Variants in CPA6 observed in about 807,000 individuals in gnomAD.
CPA6 encodes carboxypeptidase B.
CPA6 carries 58 observed loss-of-function variants against 63.3 expected under a neutral mutation model. The ratio of observed to expected loss-of-function variants is 0.92; its 90% CI spans 0.74 to 1.14. The LOEUF (loss-of-function observed/expected upper bound fraction) is 1.14. CPA6 is among the 50% of genes most tolerant of loss of function. CPA6 has a pLI of 0.00. For missense variants in CPA6, 565 were observed against 526.6 expected (o/e 1.07, Z -0.71); for synonymous variants, 185 against 179.0 (o/e 1.03, Z -0.27).
rs559403754 is a variant in CPA6, at chr8:67,639,205, A to G, written c.117-14954T>C. The stretch of plus-strand genomic sequence containing the variant: ...TAGGTTTGCTGGCCATACAGTCTCT[A>G]TTGCTACTGTTATGGGATTCTTGGG... On this transcript the variant is annotated intron_variant, in intron 1 of 10. Coordinates refer to ENST00000297770, the MANE Select transcript of CPA6 (RefSeq NM_020361.5). Among the ~76,000 whole-genome samples, 17 of 151,620 alleles carry G rather than the reference A, an allele frequency of 1.1e-4. 1 individual carries two copies. Among genetic ancestry groups the G allele is most frequent in the African/African-American group, 3.7e-4 (15 of 40,920 alleles).
chr8:67,543,354 C>T (rs73692114), intron 2 of CPA6, among the ~76,000 whole-genome samples: 133 of 152,334 alleles, frequency 8.7e-4, no homozygotes, highest in African/African-American at 3.1e-3. Context: ...CTTTGCAGCA[C>T]GATATCAAGG....
At chr8:67,577,098 T>G (rs1237163855) in intron 2 of CPA6, among the ~76,000 whole-genome samples, 1 of 152,066 alleles carries the variant, frequency 6.6e-6, no homozygotes, top group Non-Finnish European at 1.5e-5. Context: ...CAAGTGATCC[T>G]CCTGCCTCGG....
rs754434838 is a variant in CPA6 at position 67,630,757 on chromosome 8, C to G, written c.117-6506G>C. ...CACGGGCAGGAACCAGGGCTGCGCACGGTGCTAGTGGGCCAGTGTGAGTTC... is the reference window on the plus strand; with the variant it reads ...CACGGGCAGGAACCAGGGCTGCGCAGGGTGCTAGTGGGCCAGTGTGAGTTC... On this transcript the variant is annotated intron_variant, in intron 1 of 10. Transcript: ENST00000297770. Among the ~76,000 whole-genome samples, 7 of 152,324 alleles carry G rather than the reference C, an allele frequency of 4.6e-5. No homozygotes were observed. In the Middle Eastern group the frequency reaches 0.01, roughly 222 times the overall value.
At chr8:67,496,916 C>T (rs1811732593) in intron 6 of CPA6, among the ~76,000 whole-genome samples, 1 of 152,110 alleles carries the variant, frequency 6.6e-6, no homozygotes, top group African/African-American at 2.4e-5. Flanking sequence ...ACCCCCTAAT[C>T]CTATCCTCTT....
At chr8:67,518,514 T>C (rs1172844358) in intron 2 of CPA6, among the ~76,000 whole-genome samples, 5 of 149,566 alleles carry the variant, frequency 3.3e-5, no homozygotes, top group Admixed American at 6.6e-5. Flanking sequence ...CTTTTCTTTT[T>C]TTTTTTTTTT....
chr8:67,458,360 G>T (rs571680859), intron 8 of CPA6, among the ~76,000 whole-genome samples: 1 of 152,008 alleles, frequency 6.6e-6, no homozygotes. Context: ...ACCACCCCCG[G>T]CTATTTTTTG....
chr8:67,432,321 G>A (rs561005800), intron 9 of CPA6, among the ~76,000 whole-genome samples: 1 of 152,312 alleles, frequency 6.6e-6, no homozygotes, highest in East Asian at 1.9e-4. Flanking sequence ...AAACAGCAGG[G>A]TTTGGAGAGC....
intron 2 of CPA6, among the ~76,000 whole-genome samples, chr8:67,543,592 G>A (rs1812751011): frequency 1.3e-5 from 2 of 152,214 alleles, no homozygotes; most frequent in Non-Finnish European, 2.9e-5. Context: ...GGGCCTGGGG[G>A]TTTCTTGTGG....
intron 1 of CPA6, among the ~76,000 whole-genome samples, chr8:67,723,347 A>C (rs1817537675): frequency 6.6e-6 from 1 of 152,216 alleles, no homozygotes; most frequent in Non-Finnish European, 1.5e-5. Flanking sequence ...TTTTATTTAA[A>C]TAGAGACGAG....
chr8:67,596,135 T>G (rs1028948143), intron 2 of CPA6, among the ~76,000 whole-genome samples: 3 of 152,214 alleles, frequency 2.0e-5, no homozygotes, highest in Non-Finnish European at 4.4e-5. Flanking sequence ...TTATGTTCTA[T>G]TTTTTGCCTC....
At chr8:67,488,410 C>A (rs1811531339) in intron 6 of CPA6, among the ~76,000 whole-genome samples, 1 of 152,086 alleles carries the variant, frequency 6.6e-6, no homozygotes, top group South Asian at 2.1e-4. Context: ...CCATTGGTCT[C>A]TATCTCTGTT....
intron 2 of CPA6, among the ~76,000 whole-genome samples, chr8:67,591,601 T>C (rs866113773): frequency 1.1e-3 from 164 of 152,200 alleles, no homozygotes; most frequent in African/African-American, 3.6e-3. Flanking sequence ...AGGTCCTTCA[T>C]GTCCCTTGTA....
chr8:67,494,612 C>T (rs1811671640), intron 6 of CPA6, among the ~76,000 whole-genome samples: 1 of 152,072 alleles, frequency 6.6e-6, no homozygotes, highest in African/African-American at 2.4e-5. Context: ...AATGCTATTC[C>T]ATCTGCATTG....
intron 3 of CPA6, among the ~76,000 whole-genome samples, chr8:67,517,303 T>C (rs1471350936): frequency 6.6e-6 from 1 of 152,222 alleles, no homozygotes; most frequent in Admixed American, 6.5e-5. Flanking sequence ...CCTACTATTC[T>C]GGTCCTACTC....
At chr8:67,692,073 A>G (rs907142356) in intron 1 of CPA6, among the ~76,000 whole-genome samples, 3 of 152,216 alleles carry the variant, frequency 2.0e-5, no homozygotes, top group Non-Finnish European at 4.4e-5. Context: ...ATGGTGGTTC[A>G]AGCCTGTAAT....
At chr8:67,427,541 G>A (rs926048333) in intron 10 of CPA6, among the ~76,000 whole-genome samples, 23 of 152,202 alleles carry the variant, frequency 1.5e-4, no homozygotes, top group African/African-American at 5.3e-4. Context: ...AGTGATCTCT[G>A]GCTCTGCTAT....
At position 67,483,964 on chromosome 8, in the gene CPA6, T is replaced by C. The variant is rs1217906613; in HGVS notation, c.748-106A>G. 4.4e-5 allele frequency: 41 copies of C among 924,958 alleles called. No individual in the cohort carries two copies. In the East Asian group the frequency reaches 9.7e-4, roughly 22 times the overall value. 57.3% of individuals were successfully genotyped at this position (924,958 alleles called of 1,614,324 possible). The stretch of plus-strand genomic sequence containing the variant: ...AAGAGTCATACCACTGAGGGGAGAG[T>C]TCTCCTGTGAATAGACAAGCCCAGG... On this transcript the variant is annotated intron_variant, in intron 7 of 10. Transcript: ENST00000297770.
At chr8:67,480,379 C>T (rs553644918) in intron 8 of CPA6, among the ~76,000 whole-genome samples, 6 of 152,210 alleles carry the variant, frequency 3.9e-5, no homozygotes, top group Admixed American at 1.3e-4. Context: ...CTGGCAACCA[C>T]GAATCTACTC....
chr8:67,559,113 G>A (rs1266957121), intron 2 of CPA6, among the ~76,000 whole-genome samples: 2 of 152,058 alleles, frequency 1.3e-5, no homozygotes, highest in Non-Finnish European at 2.9e-5. Flanking sequence ...TGTTTAAAAC[G>A]TTCCAACTTT....
Sources: gnomAD v4.1 joint callset for allele counts (sites outside exome capture counted in the v4.1 genomes callset) on GRCh38, gnomAD v4.1.1 for gene constraint, MANE v1.5 for transcripts, NCBI Gene and HGNC (gene_info 2026-07-23, HGNC 2026-07-21) for gene names.